NOS1AP: variants seen among roughly 807,000 people sequenced by gnomAD.
NOS1AP encodes the protein carboxyl-terminal PDZ ligand of neuronal nitric oxide synthase protein.
A neutral mutation model predicts 56.2 loss-of-function variants in NOS1AP; 21 were observed. The ratio of observed to expected loss-of-function variants is 0.37; its 90% CI spans 0.26 to 0.54. The LOEUF is 0.54. NOS1AP is among the 20% of genes least tolerant of loss of function. The pLI, the probability that NOS1AP is intolerant of heterozygous loss-of-function variation, is 0.84. For synonymous variants in NOS1AP, 270 were observed against 274.6 expected, an observed-to-expected ratio of 0.98 and a Z score of 0.17; for missense variants, 522 against 657.8, an observed-to-expected ratio of 0.79 and a Z score of 2.26.
intron 1 of NOS1AP, among the ~76,000 whole-genome samples, chr1:162,096,366 A>G (rs2102027142): frequency 6.6e-6 from 1 of 152,320 alleles, no homozygotes; most frequent in East Asian, 1.9e-4. Flanking sequence ...TTCCAGTGTA[A>G]CTTTACCAGT....
At chr1:162,324,895 G>A (rs971650719) in intron 4 of NOS1AP, among the ~76,000 whole-genome samples, 6 of 152,186 alleles carry the variant, frequency 3.9e-5, no homozygotes, top group African/African-American at 1.4e-4. Flanking sequence ...CTTCCAGACT[G>A]TGCTGCGATG....
intron 1 of NOS1AP, among the ~76,000 whole-genome samples, chr1:162,151,817 TTAG>T (rs937438695): frequency 5.3e-5 from 8 of 151,800 alleles, no homozygotes; most frequent in African/African-American, 1.7e-4. Context: ...GTGTGATGTG[TTAG>T]TAGGGGTGTG....
intron 7 of NOS1AP, 86 bp downstream of exon 7, chr1:162,355,439 T>G: frequency 6.5e-7 from 1 of 1,542,544 alleles, no homozygotes; most frequent in South Asian, 1.1e-5. Context: ...CAGCTCAGCT[T>G]CCGAGTGAGG....
chr1:162,203,794 C>T (rs12734014), intron 2 of NOS1AP, among the ~76,000 whole-genome samples: 62,775 of 152,096 alleles, frequency 0.41, 15,934 homozygotes, highest in Non-Finnish European at 0.58. Flanking sequence ...GGGGTTATCA[C>T]ATCCCATCCC....
intron 1 of NOS1AP, among the ~76,000 whole-genome samples, chr1:162,115,764 G>A (rs569371570): frequency 1.3e-5 from 2 of 152,296 alleles, no homozygotes; most frequent in South Asian, 4.2e-4. Context: ...CTAGAGGCAG[G>A]GAGGAGGAAG....
chr1:162,101,733 T>A (rs1647279954), intron 1 of NOS1AP, among the ~76,000 whole-genome samples: 1 of 152,136 alleles, frequency 6.6e-6, no homozygotes, highest in Admixed American at 6.5e-5. Context: ...ATGATTTGGC[T>A]CTCTGCTTGC....
intron 2 of NOS1AP, among the ~76,000 whole-genome samples, chr1:162,179,323 T>C (rs1158081386): frequency 6.6e-6 from 1 of 152,190 alleles, no homozygotes; most frequent in Non-Finnish European, 1.5e-5. Context: ...TTGAGTAACC[T>C]GCCCTGAGTT....
At chr1:162,159,507 G>A (rs548191909) in intron 2 of NOS1AP, among the ~76,000 whole-genome samples, 3 of 152,294 alleles carry the variant, frequency 2.0e-5, no homozygotes, top group East Asian at 3.9e-4. Flanking sequence ...TACCCTGAGA[G>A]ATACTGAGCT....
In NOS1AP at chr1:162,367,538, G is replaced by C. The variant is rs1193128509; in HGVS notation, c.*71G>C. On this transcript the variant is annotated 3_prime_UTR_variant, in exon 10 of 10. Coordinates refer to ENST00000361897, the MANE Select transcript of NOS1AP (RefSeq NM_014697.3). The surrounding 1 kb of genome is among the most constrained non-coding windows in gnomAD (Gnocchi z 6.5). Reference sequence around the variant, plus strand: ...CGTGTCTGGCTGCTGCCCGGGTAGGGGATGCCCAGTGAATGTGCACTGCCG... The same window carrying C: ...CGTGTCTGGCTGCTGCCCGGGTAGGCGATGCCCAGTGAATGTGCACTGCCG... The C allele has an allele frequency of 1.4e-6, 2 of 1,470,486 alleles. No homozygotes were observed. The highest frequency in any genetic ancestry group is 1.8e-6 in the Non-Finnish European group (2 of 1,103,634). 91.1% of individuals were successfully genotyped at this position (1,470,486 alleles called of 1,614,324 possible). A position where few individuals can be genotyped will look rare whatever the true frequency, so the allele number is the denominator to read the frequency against.
chr1:162,072,286 C>T (rs539566450), intron 1 of NOS1AP, among the ~76,000 whole-genome samples: 4 of 152,158 alleles, frequency 2.6e-5, no homozygotes, highest in Non-Finnish European at 5.9e-5. Context: ...GTACCTTTAA[C>T]GAGCATTCCA....
rs767076578 is a variant in NOS1AP, at chr1:162,154,522, T to G, written c.177+46T>G. On this transcript the variant is annotated intron_variant, in intron 2 of 9. Transcript: ENST00000361897. ...TGTGTGGAGCGGGGAGTCAAGTGCC[T>G]TAGCTGCTGGCCCTTCTAGGTAGGG... is the stretch of plus-strand genomic sequence containing the variant. 2.5e-6 allele frequency: 4 copies of G among 1,591,502 alleles called. No individual in the cohort carries two copies. The East Asian group carries it at 8.9e-5, about 36-fold the overall frequency.
chr1:162,086,447 T>C (rs957307498), intron 1 of NOS1AP, among the ~76,000 whole-genome samples: 9 of 152,280 alleles, frequency 5.9e-5, no homozygotes, highest in African/African-American at 2.2e-4. Context: ...CCACCCTGAG[T>C]AGCTTTCCCT....
intron 1 of NOS1AP, among the ~76,000 whole-genome samples, chr1:162,103,998 G>A (rs1285283102): frequency 6.6e-6 from 1 of 152,204 alleles, no homozygotes; most frequent in Non-Finnish European, 1.5e-5. Context: ...TTGCTTCATA[G>A]TATCACTGGT....
intron 3 of NOS1AP, among the ~76,000 whole-genome samples, chr1:162,289,892 G>T (rs914842822): frequency 6.6e-6 from 1 of 152,126 alleles, no homozygotes; most frequent in Non-Finnish European, 1.5e-5. Context: ...TCATAGTTTT[G>T]CCCTTAGAGC....
intron 2 of NOS1AP, among the ~76,000 whole-genome samples, chr1:162,235,244 A>T (rs1476138049): frequency 2.0e-5 from 3 of 152,110 alleles, no homozygotes; most frequent in Admixed American, 6.5e-5. Flanking sequence ...TTGAATTTGA[A>T]CTTAATCTTA....
At chr1:162,294,862 G>T (rs945808745) in intron 3 of NOS1AP, among the ~76,000 whole-genome samples, 5 of 152,154 alleles carry the variant, frequency 3.3e-5, no homozygotes, top group African/African-American at 1.2e-4. Flanking sequence ...TGCTCCACCA[G>T]GCACTCCCTC....
intron 8 of NOS1AP, 105 bp downstream of exon 8, chr1:162,357,241 A>G: frequency 1.3e-6 from 2 of 1,529,178 alleles, no homozygotes; most frequent in Non-Finnish European, 1.8e-6. Flanking sequence ...GGGAGTCATA[A>G]GGAATCGCTC....
At chr1:162,340,374 A>G (rs868340161) in intron 5 of NOS1AP, among the ~76,000 whole-genome samples, 5 of 152,176 alleles carry the variant, frequency 3.3e-5, no homozygotes, top group African/African-American at 1.2e-4. Context: ...CTGTGCTGCT[A>G]TGGTGGAGGC....
chr1:162,264,000 G>A (rs753782611), intron 2 of NOS1AP, among the ~76,000 whole-genome samples: 23 of 152,126 alleles, frequency 1.5e-4, no homozygotes, highest in Non-Finnish European at 2.9e-4. Flanking sequence ...TGCTCTCTCC[G>A]TCTCCAGCCA....
Sources: gnomAD v4.1 joint callset for allele counts (sites outside exome capture counted in the v4.1 genomes callset) on GRCh38, gnomAD v4.1.1 for gene constraint, Gnocchi (gnomAD v3.1) non-coding constraint, MANE v1.5 for transcripts, NCBI Gene and HGNC (gene_info 2026-07-23, HGNC 2026-07-21) for gene names.